Variants in CALN1 observed in about 807,000 individuals in gnomAD.
CALN1 encodes calneuron 1.
CALN1 carries 17 observed loss-of-function variants against 30.6 expected under a neutral mutation model. The observed-to-expected ratio is 0.56, with a 90% CI of 0.38 to 0.83. The LOEUF is 0.83. CALN1 is among the 40% of genes least tolerant of loss of function. CALN1 has a pLI of 0.00. For missense variants in CALN1, 291 were observed against 354.9 expected (o/e 0.82, Z 1.45); for synonymous variants, 156 against 131.4 (o/e 1.19, Z -1.28).
chr7:71,986,930 C>A (rs1236399652), intron 5 of CALN1, among the ~76,000 whole-genome samples: 1 of 152,100 alleles, frequency 6.6e-6, no homozygotes, highest in Non-Finnish European at 1.5e-5. Context: ...GGGTTTGAGA[C>A]CAGCCTGGCC....
At chr7:72,183,378 G>GC (rs1278443125) in intron 3 of CALN1, among the ~76,000 whole-genome samples, 2 of 152,160 alleles carry the variant, frequency 1.3e-5, no homozygotes, top group African/African-American at 4.8e-5. Context: ...AGACGAATTA[G>GC]AAATCTACAG....
intron 2 of CALN1, among the ~76,000 whole-genome samples, chr7:72,300,044 C>A (rs1001338200): frequency 2.6e-5 from 4 of 152,008 alleles, no homozygotes; most frequent in Admixed American, 2.0e-4. Context: ...CCATGCCCAG[C>A]TAATTTTTTG....
chr7:72,201,206 A>G (rs200257166), intron 3 of CALN1, among the ~76,000 whole-genome samples: 4 of 152,340 alleles, frequency 2.6e-5, no homozygotes, highest in East Asian at 1.9e-4. Context: ...ATTCTCACTT[A>G]TAAGTAAGAA....
At chr7:72,046,649 G>A (rs562696079) in intron 4 of CALN1, among the ~76,000 whole-genome samples, 4 of 144,182 alleles carry the variant, frequency 2.8e-5, no homozygotes, top group Non-Finnish European at 6.0e-5. Context: ...GGCAGAGGTT[G>A]CAGTGAGCCG....
intron 1 of CALN1, among the ~76,000 whole-genome samples, chr7:72,434,831 C>A (rs896124922): frequency 1.3e-5 from 2 of 152,198 alleles, no homozygotes; most frequent in Non-Finnish European, 1.5e-5. Flanking sequence ...GCACTTCATG[C>A]GAGGCCTGGA....
intron 2 of CALN1, among the ~76,000 whole-genome samples, chr7:72,365,028 G>T (rs1803798449): frequency 6.6e-6 from 1 of 152,022 alleles, no homozygotes; most frequent in Admixed American, 6.5e-5. Context: ...AAATTAGCCG[G>T]GCGTGGTGGC....
At chr7:72,349,809 T>G (rs904731420) in intron 2 of CALN1, among the ~76,000 whole-genome samples, 1 of 152,210 alleles carries the variant, frequency 6.6e-6, no homozygotes, top group Non-Finnish European at 1.5e-5. Flanking sequence ...CTTGTTAATT[T>G]AAGCACCTTA....
intron 3 of CALN1, among the ~76,000 whole-genome samples, chr7:72,173,006 T>C (rs1307504708): frequency 3.9e-5 from 6 of 152,016 alleles, no homozygotes; most frequent in African/African-American, 1.2e-4. Flanking sequence ...TTTTTGAAGA[T>C]CTTAAAATAA....
chr7:72,294,127 T>G (rs997739772), intron 2 of CALN1, among the ~76,000 whole-genome samples: 2 of 152,002 alleles, frequency 1.3e-5, no homozygotes, highest in African/African-American at 4.8e-5. Context: ...TCCTTCAGAA[T>G]AATAATGGCT....
intron 1 of CALN1, among the ~76,000 whole-genome samples, chr7:72,409,582 A>G (rs993021231): frequency 1.3e-5 from 2 of 151,966 alleles, no homozygotes; most frequent in African/African-American, 2.4e-5. Flanking sequence ...TCAGCACACC[A>G]AAGTCTTTCA....
At chr7:72,222,971 T>C (rs1793415654) in intron 3 of CALN1, among the ~76,000 whole-genome samples, 3 of 152,004 alleles carry the variant, frequency 2.0e-5, no homozygotes, top group African/African-American at 7.3e-5. Flanking sequence ...CAGTGAGCTA[T>C]GATTGCACCA....
chr7:71,854,667 A>G (rs1790840088), intron 5 of CALN1, among the ~76,000 whole-genome samples: 1 of 152,206 alleles, frequency 6.6e-6, no homozygotes. Flanking sequence ...TTCATGCTAG[A>G]CAGTGCAATT....
chr7:71,849,437 T>TA (rs1025815720), intron 5 of CALN1, among the ~76,000 whole-genome samples: 5 of 11,952 alleles, frequency 4.2e-4, no homozygotes, highest in African/African-American at 1.7e-3. Flanking sequence ...GATCTTCCTA[T>TA]TTTTTTTTTT....
chr7:71,809,674 A>AT (rs1787826508), intron 6 of CALN1, among the ~76,000 whole-genome samples: 1 of 151,910 alleles, frequency 6.6e-6, no homozygotes, highest in African/African-American at 2.4e-5. Context: ...TTCTCTACTG[A>AT]TTAGGAGATT....
chr7:72,270,733 C>T (rs1198631546), intron 3 of CALN1, among the ~76,000 whole-genome samples: 1 of 152,188 alleles, frequency 6.6e-6, no homozygotes, highest in Non-Finnish European at 1.5e-5. Context: ...CATGTTTGTG[C>T]CACTGCACTC....
chr7:71,808,374 TTAA>T (rs1199120966), intron 6 of CALN1, among the ~76,000 whole-genome samples: 2 of 151,390 alleles, frequency 1.3e-5, no homozygotes, highest in Non-Finnish European at 1.5e-5. Flanking sequence ...TTAATAAACA[TTAA>T]TAATTATTTT....
At chr7:72,463,207 C>G in the CALN1 span, among the ~76,000 whole-genome samples, 1 of 152,134 alleles carries the variant, frequency 6.6e-6, no homozygotes, top group Non-Finnish European at 1.5e-5. Flanking sequence ...CTGCAACCTC[C>G]GCCTCCCGGG....
At chr7:71,970,564 C>A (rs540389601) in intron 5 of CALN1, among the ~76,000 whole-genome samples, 3 of 151,564 alleles carry the variant, frequency 2.0e-5, no homozygotes, top group African/African-American at 4.8e-5. Flanking sequence ...CTTTTTGGGA[C>A]TTGTATCTGC....
intron 5 of CALN1, among the ~76,000 whole-genome samples, chr7:71,991,125 CTGAG>C (rs945195153): frequency 2.0e-4 from 30 of 151,854 alleles, no homozygotes; most frequent in African/African-American, 7.3e-4. Flanking sequence ...AACCATAAGG[CTGAG>C]TAAGAACAAA....
Sources: allele counts gnomAD v4.1 joint callset (sites outside exome capture counted in the v4.1 genomes callset), GRCh38; gene constraint gnomAD v4.1.1; transcripts MANE v1.5; gene names NCBI Gene and HGNC (gene_info 2026-07-23, HGNC 2026-07-21).